CDK8: variants seen among roughly 807,000 people sequenced by gnomAD.
CDK8 encodes cyclin-dependent kinase 8.
A neutral mutation model predicts 71.5 loss-of-function variants in CDK8; 29 were observed. The observed-to-expected ratio is 0.41, with a 90% CI of 0.30 to 0.55. The LOEUF (loss-of-function observed/expected upper bound fraction) is 0.55, where lower values mean the gene tolerates loss of function less well. CDK8 is among the 20% of genes least tolerant of loss of function. The pLI, the probability that CDK8 is intolerant of heterozygous loss-of-function variation, is 0.37. For synonymous variants in CDK8, 161 were observed against 192.1 expected, an observed-to-expected ratio of 0.84 and a Z score of 1.34; for missense variants, 288 against 572.6, an observed-to-expected ratio of 0.50 and a Z score of 5.07.
intron 9 of CDK8, among the ~76,000 whole-genome samples, chr13:26,398,441 C>A (rs1235140488): frequency 6.6e-6 from 1 of 152,112 alleles, no homozygotes; most frequent in African/African-American, 2.4e-5. Context: ...TAGAGATATA[C>A]CTTCCTTGTA....
At chr13:26,367,007 C>T (rs558261249) in intron 4 of CDK8, among the ~76,000 whole-genome samples, 18 of 152,250 alleles carry the variant, frequency 1.2e-4, no homozygotes, top group Admixed American at 2.0e-4. Flanking sequence ...TGACACTGGT[C>T]GAACATTTCC....
At chr13:26,281,298 A>G (rs1249521521) in intron 1 of CDK8, among the ~76,000 whole-genome samples, 2 of 152,212 alleles carry the variant, frequency 1.3e-5, no homozygotes, top group African/African-American at 4.8e-5. Context: ...CTGAAGACAG[A>G]TTGTATCACA....
intron 1 of CDK8, among the ~76,000 whole-genome samples, chr13:26,278,581 A>G (rs2137881844): frequency 6.6e-6 from 1 of 152,320 alleles, no homozygotes; most frequent in Middle Eastern, 3.4e-3. Flanking sequence ...TATGCGGAGC[A>G]AGCTTCCTGA....
chr13:26,283,724 C>A (rs1368100088), intron 1 of CDK8, among the ~76,000 whole-genome samples: 3 of 151,800 alleles, frequency 2.0e-5, no homozygotes, highest in Non-Finnish European at 4.4e-5. Flanking sequence ...TTGGTGAAAC[C>A]CCTTCTCTAC....
At chr13:26,322,406 C>T (rs1441185300) in intron 1 of CDK8, among the ~76,000 whole-genome samples, 1 of 152,142 alleles carries the variant, frequency 6.6e-6, no homozygotes, top group Non-Finnish European at 1.5e-5. Flanking sequence ...GTGACATATA[C>T]TGATCTTTTC....
At chr13:26,318,811 C>T (rs1201752642) in intron 1 of CDK8, among the ~76,000 whole-genome samples, 1 of 152,002 alleles carries the variant, frequency 6.6e-6, no homozygotes, top group Non-Finnish European at 1.5e-5. Context: ...AGGAAACTAC[C>T]TCAACATGAT....
At chr13:26,275,218 C>A (rs549757180) in intron 1 of CDK8, among the ~76,000 whole-genome samples, 36 of 152,278 alleles carry the variant, frequency 2.4e-4, no homozygotes, top group African/African-American at 8.4e-4. Flanking sequence ...AAGACTGGAA[C>A]CTTGATGTTA....
Position 26,254,795 on chromosome 13 carries a change from T to A in CDK8, c.128+26T>A. ...GTGAGTGTGTGTGTCTGGGCCGGTG[T>A]CCGCGCTGGGCGGCGCTCCCGCAGG... On this transcript the variant is annotated intron_variant, in intron 1 of 12. Coordinates refer to ENST00000381527, the MANE Select transcript of CDK8 (RefSeq NM_001260.3). This position sits in a 1 kb window ranked among gnomAD's most constrained non-coding sequence, Gnocchi z 6.7. The A allele has an allele frequency of 6.2e-7, 1 of 1,607,200 alleles. No homozygotes were observed. The highest frequency in any genetic ancestry group is 8.5e-7 in the Non-Finnish European group (1 of 1,176,158).
intron 1 of CDK8, among the ~76,000 whole-genome samples, chr13:26,270,475 A>G (rs1161451991): frequency 4.6e-5 from 7 of 151,980 alleles, no homozygotes; most frequent in Admixed American, 4.6e-4. Context: ...TATTACCGCA[A>G]TCTGATTTTA....
chr13:26,349,038 C>A (rs751773118), intron 2 of CDK8, 34 bp from the exon 3 acceptor site: 29 of 1,215,684 alleles, frequency 2.4e-5, no homozygotes, highest in Non-Finnish European at 3.4e-5. Flanking sequence ...ATTTTTGTGA[C>A]AGAAATAGTT....
At chr13:26,312,035 T>G (rs964508979) in intron 1 of CDK8, among the ~76,000 whole-genome samples, 1 of 152,220 alleles carries the variant, frequency 6.6e-6, no homozygotes. Context: ...TGAAGCCAGC[T>G]GGACTTCCTG....
At position 26,405,068 on chromosome 13, in the gene CDK8, G is replaced by C; in HGVS notation, c.*987G>C. ...TTTAGGGTGCCCTTACTTCAGCAAA[G>C]GAGAAGGAGTAGGAGAGCCTTAGAA... On this transcript the variant is annotated 3_prime_UTR_variant, in exon 13 of 13. Transcript: ENST00000381527. 1 of 183,146 alleles carries C rather than the reference G, an allele frequency of 5.5e-6. No homozygotes were observed. Among genetic ancestry groups the C allele is most frequent in the East Asian group, 8.9e-5 (1 of 11,202 alleles). The allele number at this position is 183,146 out of a possible 1,614,324, so 11.3% of individuals were successfully genotyped here.
At chr13:26,336,768 A>G (rs1236720068) in intron 1 of CDK8, among the ~76,000 whole-genome samples, 1 of 151,790 alleles carries the variant, frequency 6.6e-6, no homozygotes, top group Non-Finnish European at 1.5e-5. Context: ...GTTAGCCAGG[A>G]TGGTCTCGAT....
intron 5 of CDK8, among the ~76,000 whole-genome samples, chr13:26,384,224 T>G (rs114169420): frequency 0.011 from 1,638 of 150,462 alleles, 30 homozygotes; most frequent in African/African-American, 0.038. Context: ...ATTCATAGTT[T>G]TAATTATTTG....
chr13:26,353,911 A>G (rs754587315), intron 4 of CDK8, 31 bp downstream of exon 4: 138 of 1,596,398 alleles, frequency 8.6e-5, no homozygotes, highest in Non-Finnish European at 1.2e-4. Flanking sequence ...TTTAAACTAG[A>G]AAGATGCATT....
intron 1 of CDK8, among the ~76,000 whole-genome samples, chr13:26,272,834 T>C (rs1872393800): frequency 6.6e-6 from 1 of 152,210 alleles, no homozygotes; most frequent in Non-Finnish European, 1.5e-5. Context: ...ATTTTTCAGC[T>C]CTATTTTAAT....
chr13:26,257,892 GTT>G (rs34191759), intron 1 of CDK8, among the ~76,000 whole-genome samples: 5 of 138,372 alleles, frequency 3.6e-5, no homozygotes, highest in Non-Finnish European at 6.1e-5. Context: ...ATGAGTGTGT[GTT>G]TGTGTGTGTG....
intron 1 of CDK8, among the ~76,000 whole-genome samples, chr13:26,306,544 A>G (rs1369640284): frequency 6.6e-6 from 1 of 151,884 alleles, no homozygotes; most frequent in African/African-American, 2.4e-5. Context: ...AAAGGCAATG[A>G]AAAGAGAATC....
chr13:26,254,584 TCCCCACCCCTGCCCCCCGGC>T lies in CDK8; in HGVS notation c.-53_-34del. ...GCTGCGGCTGCCCGTGCTTCCCCGG[TCCCCACCCCTGCCCCCCGGC>T]CCCCCGACCCAGCTCTCCGGCCTCA... On this transcript the variant is annotated 5_prime_UTR_variant, in exon 1 of 13. Coordinates refer to ENST00000381527, the MANE Select transcript of CDK8 (RefSeq NM_001260.3). This position sits in a 1 kb window ranked among gnomAD's most constrained non-coding sequence, Gnocchi z 6.7. 1.5e-6 allele frequency: 2 copies of T among 1,291,272 alleles called. No individual in the cohort carries two copies. The highest frequency in any genetic ancestry group is 2.1e-6 in the Non-Finnish European group (2 of 938,078). The allele number at this position is 1,291,272 out of a possible 1,614,324, so 80.0% of individuals were successfully genotyped here. A position where few individuals can be genotyped will look rare whatever the true frequency, so the allele number is the denominator to read the frequency against.
Sources: gnomAD v4.1 joint callset for allele counts (sites outside exome capture counted in the v4.1 genomes callset) on GRCh38, gnomAD v4.1.1 for gene constraint, Gnocchi (gnomAD v3.1) non-coding constraint, MANE v1.5 for transcripts, NCBI Gene and HGNC (gene_info 2026-07-23, HGNC 2026-07-21) for gene names.